KAZN: variants seen among roughly 807,000 people sequenced by gnomAD.
KAZN encodes the protein kazrin, periplakin interacting protein, also known as kazrin.
A neutral mutation model predicts 87.4 loss-of-function variants in KAZN; 40 were observed. That is an observed-to-expected ratio of 0.46 (90% CI 0.36 to 0.60). The LOEUF is 0.60. Ranked by LOEUF, KAZN falls within the 20% of genes least tolerant of loss-of-function variation. KAZN has a pLI of 0.00. For synonymous variants in KAZN, 466 were observed against 458.3 expected (o/e 1.02, Z -0.22); for missense variants, 898 against 1,073.9 (o/e 0.84, Z 2.29).
chr1:14,217,319 A>G (rs1646979077), intron 2 of KAZN, among the ~76,000 whole-genome samples: 1 of 152,162 alleles, frequency 6.6e-6, no homozygotes, highest in Admixed American at 6.5e-5. Context: ...AAAAATAATA[A>G]AGAGTAAAAT....
chr1:14,753,566 A>T (rs1644470449), intron 1 of KAZN, among the ~76,000 whole-genome samples: 1 of 151,772 alleles, frequency 6.6e-6, no homozygotes, highest in Admixed American at 6.6e-5. Flanking sequence ...ACCTCTAATT[A>T]TTTTTTTTAC....
Position 15,056,238 on chromosome 1 carries a change from ACT to A in KAZN, c.879_880del (p.Tyr294ProfsTer78). 6.2e-7 allele frequency: 1 copy of A among 1,612,478 alleles called. No individual in the cohort carries two copies. The highest frequency in any genetic ancestry group is 8.5e-7 in the Non-Finnish European group (1 of 1,179,034). On this transcript the variant is annotated frameshift_variant, in exon 5 of 15. Transcript: ENST00000376030. LOFTEE classifies it high-confidence loss of function. The surrounding 1 kb of genome is among the most constrained non-coding windows in gnomAD (Gnocchi z 5.4). Reference protein sequence around the residue: ...LTAAIRQSQQTLYHSHPPHPA... With the variant: ...LTAAIRQSQQXLYHSHPPHPA... The stretch of plus-strand genomic sequence containing the variant: ...CGCAGCCATCCGGCAGAGTCAACAG[ACT>A]CTCTACCACTCACACCCCCCTCACC...
At chr1:14,570,071 C>T (rs1273414051) in intron 2 of KAZN, among the ~76,000 whole-genome samples, 2 of 152,082 alleles carry the variant, frequency 1.3e-5, no homozygotes, top group Non-Finnish European at 2.9e-5. Flanking sequence ...CAAGACTGCA[C>T]CACGGCACTC....
At position 14,433,683 on chromosome 1, in the gene KAZN, C is replaced by T. The variant is rs1666211949; in HGVS notation, c.250-165300C>T. ...GAGCAGCCTGACCAACATGGCAAATCCCCATCTCTACTAAAAAATACAAAA... is the reference window on the plus strand; with the variant it reads ...GAGCAGCCTGACCAACATGGCAAATTCCCATCTCTACTAAAAAATACAAAA... On this transcript the variant is annotated intron_variant, in intron 2 of 16. Coordinates refer to the KAZN transcript ENST00000636203. Among the ~76,000 whole-genome samples the T allele has an allele frequency of 3.3e-5, 5 of 152,286 alleles. No individual in the cohort carries two copies. In the South Asian group the frequency reaches 1.0e-3, roughly 32 times the overall value.
In KAZN at chr1:14,876,933, A is replaced by G. The variant is rs139951469; in HGVS notation, c.227-83751A>G. Among the ~76,000 whole-genome samples, 401 of 152,374 alleles carry G rather than the reference A, an allele frequency of 2.6e-3. 3 individuals carry two copies. The highest frequency in any genetic ancestry group is 9.0e-3 in the African/African-American group (376 of 41,600). The stretch of plus-strand genomic sequence containing the variant: ...GGGCAAGTTGAAACCAACTTGTATT[A>G]GTCAGACATTTTTGAGTTTCAGGTG... On this transcript the variant is annotated intron_variant, in intron 1 of 14. Coordinates refer to ENST00000376030, the MANE Select transcript of KAZN (RefSeq NM_201628.3).
At chr1:14,926,077 T>G (rs563147689) in intron 1 of KAZN, among the ~76,000 whole-genome samples, 185 of 152,370 alleles carry the variant, frequency 1.2e-3, no homozygotes, top group African/African-American at 4.3e-3. Context: ...TGCATGTTAG[T>G]CCTCAGCTCC....
chr1:14,839,808 G>A (rs962002620), intron 1 of KAZN, among the ~76,000 whole-genome samples: 12 of 152,166 alleles, frequency 7.9e-5, no homozygotes, highest in African/African-American at 2.9e-4. Flanking sequence ...AGACATTGGG[G>A]CTTGTATGTC....
intron 2 of KAZN, among the ~76,000 whole-genome samples, chr1:14,247,781 C>T (rs943714603): frequency 7.9e-5 from 12 of 151,814 alleles, no homozygotes; most frequent in Admixed American, 3.3e-4. Context: ...AAGTGAGAAA[C>T]GTTCTAAGCA....
chr1:14,359,682 CCTT>C (rs1169554346), intron 2 of KAZN, among the ~76,000 whole-genome samples: 2 of 152,140 alleles, frequency 1.3e-5, no homozygotes, highest in African/African-American at 4.8e-5. Flanking sequence ...TTTTATTTCT[CCTT>C]CACTTATGAA....
chr1:14,252,419 T>C (rs1227175181), intron 2 of KAZN, among the ~76,000 whole-genome samples: 1 of 152,208 alleles, frequency 6.6e-6, no homozygotes, highest in Non-Finnish European at 1.5e-5. Flanking sequence ...TGGAGATACC[T>C]TAATGATACC....
chr1:14,971,327 G>A (rs1418830241), intron 2 of KAZN, among the ~76,000 whole-genome samples: 10 of 152,222 alleles, frequency 6.6e-5, no homozygotes, highest in African/African-American at 2.4e-4. Flanking sequence ...GAATCCGGGA[G>A]GCAGAGGTTG....
chr1:14,195,105 C>A (rs1428474550), intron 2 of KAZN, among the ~76,000 whole-genome samples: 1 of 152,156 alleles, frequency 6.6e-6, no homozygotes, highest in Non-Finnish European at 1.5e-5. Context: ...TCTATAGATA[C>A]AACAGCTTAT....
At chr1:14,179,650 G>T (rs1646155005) in intron 1 of KAZN, among the ~76,000 whole-genome samples, 1 of 152,198 alleles carries the variant, frequency 6.6e-6, no homozygotes, top group Non-Finnish European at 1.5e-5. Flanking sequence ...GAAAATGATA[G>T]AAATTCCATG....
intron 1 of KAZN, among the ~76,000 whole-genome samples, chr1:13,960,551 C>A (rs1029329344): frequency 6.6e-6 from 1 of 152,152 alleles, no homozygotes; most frequent in Non-Finnish European, 1.5e-5. Flanking sequence ...CATCTTGGAA[C>A]GCTACGTGCA....
intron 8 of KAZN, among the ~76,000 whole-genome samples, chr1:15,092,103 T>C (rs1423591738): frequency 7.1e-6 from 1 of 141,576 alleles, no homozygotes; most frequent in Non-Finnish European, 1.5e-5. Context: ...GGAGACGGAG[T>C]TTCACTCTTG....
At chr1:14,274,332 C>G (rs891151366) in intron 2 of KAZN, among the ~76,000 whole-genome samples, 10 of 152,190 alleles carry the variant, frequency 6.6e-5, no homozygotes, top group Non-Finnish European at 1.3e-4. Context: ...ACTGGCTTCT[C>G]TTGCTGAGTA....
At chr1:14,558,675 C>A (rs899331038) in intron 2 of KAZN, among the ~76,000 whole-genome samples, 13 of 152,012 alleles carry the variant, frequency 8.6e-5, no homozygotes, top group Admixed American at 7.9e-4. Context: ...GGCTTGTGAG[C>A]GTTTGCATAT....
At chr1:14,814,073 C>T (rs1055647911) in intron 1 of KAZN, among the ~76,000 whole-genome samples, 1 of 152,198 alleles carries the variant, frequency 6.6e-6, no homozygotes, top group Non-Finnish European at 1.5e-5. Context: ...CATCGTCAGC[C>T]ATTGTGGAGC....
chr1:15,054,311 CT>C (rs1486353198), intron 4 of KAZN, among the ~76,000 whole-genome samples: 1 of 152,112 alleles, frequency 6.6e-6, no homozygotes, highest in Non-Finnish European at 1.5e-5. Context: ...CAGGGGACCC[CT>C]GGGCCTCTCC....
Sources: allele counts gnomAD v4.1 joint callset (sites outside exome capture counted in the v4.1 genomes callset), GRCh38; gene constraint gnomAD v4.1.1; non-coding constraint Gnocchi (gnomAD v3.1); transcripts MANE v1.5; gene names NCBI Gene and HGNC (gene_info 2026-07-23, HGNC 2026-07-21).